Variants in TTC28 observed in about 807,000 individuals in gnomAD.
The protein encoded by TTC28 is tetratricopeptide repeat domain 28.
A neutral mutation model predicts 198.0 loss-of-function variants in TTC28; 61 were observed. The ratio of observed to expected loss-of-function variants is 0.31; its 90% CI spans 0.25 to 0.38. The LOEUF (loss-of-function observed/expected upper bound fraction) is 0.38. Ranked by LOEUF, TTC28 falls within the 10% of genes least tolerant of loss-of-function variation. TTC28 has a pLI of 1.00. For synonymous variants in TTC28, 1,171 were observed against 1,297.8 expected (o/e 0.90, Z 2.10); for missense variants, 2,678 against 3,164.0 (o/e 0.85, Z 3.69).
intron 5 of TTC28, among the ~76,000 whole-genome samples, chr22:28,198,499 TATGAG>T (rs1925590795): frequency 6.6e-6 from 1 of 152,184 alleles, no homozygotes; most frequent in African/African-American, 2.4e-5. Flanking sequence ...ACAACCATGT[TATGAG>T]ATATGAAACA....
chr22:28,531,840 A>C (rs1369134894), intron 2 of TTC28, among the ~76,000 whole-genome samples: 2 of 152,240 alleles, frequency 1.3e-5, no homozygotes, highest in African/African-American at 4.8e-5. Context: ...AGGCAGAAGT[A>C]AAGATGTTCT....
chr22:28,636,645 C>T (rs2146223858), intron 1 of TTC28, among the ~76,000 whole-genome samples: 1 of 152,268 alleles, frequency 6.6e-6, no homozygotes, highest in Non-Finnish European at 1.5e-5. Context: ...CAGCTTTTCA[C>T]ACCCCTCTTA....
At chr22:28,367,145 C>T (rs2046260561) in intron 2 of TTC28, among the ~76,000 whole-genome samples, 1 of 151,998 alleles carries the variant, frequency 6.6e-6, no homozygotes, top group African/African-American at 2.4e-5. Flanking sequence ...AAATTCTTCT[C>T]CTCAGCCCAT....
Position 28,317,853 on chromosome 22 carries a change from T to C in TTC28, c.382-11210A>G, listed in dbSNP as rs562187779. On this transcript the variant is annotated intron_variant, in intron 2 of 22. Transcript: ENST00000397906. ...TGTACCCTTAAGACCACAGCTCCTA[T>C]AGTCACAGAGAAGGGTCTCCTTCCT... 3.9e-5 allele frequency among the ~76,000 whole-genome samples: 6 copies of C among 152,266 alleles called. No individual in the cohort carries two copies. In the South Asian group the frequency reaches 8.3e-4, roughly 21 times the overall value.
rs144169213 is a variant in TTC28 at position 28,085,150 on chromosome 22, A to G, written c.3932+8930T>C. 7.2e-3 allele frequency among the ~76,000 whole-genome samples: 1,098 copies of G among 152,200 alleles called. 13 individuals carry two copies. Among genetic ancestry groups the G allele is most frequent in the African/African-American group, 0.025 (1,059 of 41,540 alleles). ...GGCAGGCCAACATTCAAATTCAGGA[A>G]ATACAGAGAATGCCAGAAAGATACT... On this transcript the variant is annotated intron_variant, in intron 12 of 22. Transcript: ENST00000397906.
At chr22:28,174,585 C>T (rs1303396463) in intron 5 of TTC28, among the ~76,000 whole-genome samples, 7 of 152,142 alleles carry the variant, frequency 4.6e-5, no homozygotes, top group Non-Finnish European at 1.0e-4. Context: ...CACTGGTGGG[C>T]ACCTGTAATC....
chr22:28,055,183 G>C (rs1940234975), intron 12 of TTC28, among the ~76,000 whole-genome samples: 1 of 152,288 alleles, frequency 6.6e-6, no homozygotes, highest in African/African-American at 2.4e-5. Context: ...AATATTTGCT[G>C]AGCCCCCATG....
At chr22:28,170,810 C>A (rs188742779) in intron 5 of TTC28, among the ~76,000 whole-genome samples, 2 of 152,162 alleles carry the variant, frequency 1.3e-5, no homozygotes, top group Non-Finnish European at 2.9e-5. Flanking sequence ...TGGGTTACAA[C>A]CTGTACTGTA....
At chr22:27,985,668 T>G (rs1937185277) in intron 21 of TTC28, 1 of 231,932 alleles carries the variant, frequency 4.3e-6, no homozygotes, top group South Asian at 8.2e-5. Flanking sequence ...CTCACATGTT[T>G]TCTTTTCCAT....
intron 12 of TTC28, among the ~76,000 whole-genome samples, chr22:28,084,521 C>G (rs1941488046): frequency 1.3e-5 from 2 of 152,158 alleles, no homozygotes; most frequent in South Asian, 2.1e-4. Context: ...ATGTCACCAT[C>G]ATCAAAGACC....
chr22:28,036,145 TA>T (rs1939334906), intron 12 of TTC28, among the ~76,000 whole-genome samples: 1 of 152,184 alleles, frequency 6.6e-6, no homozygotes, highest in Non-Finnish European at 1.5e-5. Flanking sequence ...GTGGACCTAA[TA>T]GACATCTACA....
intron 6 of TTC28, among the ~76,000 whole-genome samples, chr22:28,157,918 C>A (rs930738010): frequency 1.8e-4 from 28 of 152,026 alleles, no homozygotes; most frequent in African/African-American, 6.0e-4. Context: ...CTAGCTACAG[C>A]AGTCAGACAA....
intron 2 of TTC28, among the ~76,000 whole-genome samples, chr22:28,328,491 C>T (rs954292808): frequency 2.6e-5 from 4 of 151,866 alleles, no homozygotes; most frequent in African/African-American, 9.7e-5. Context: ...TGATGGCTCA[C>T]GTCTGTAATC....
intron 2 of TTC28, among the ~76,000 whole-genome samples, chr22:28,554,721 A>G (rs1342748047): frequency 6.6e-6 from 1 of 152,012 alleles, no homozygotes; most frequent in Non-Finnish European, 1.5e-5. Flanking sequence ...AAATACAAAA[A>G]TTAACCGGGT....
At chr22:28,222,113 T>C (rs1194888073) in intron 5 of TTC28, among the ~76,000 whole-genome samples, 1 of 152,248 alleles carries the variant, frequency 6.6e-6, no homozygotes, top group Non-Finnish European at 1.5e-5. Flanking sequence ...TCTGTGTATA[T>C]GCCTGGGTTC....
chr22:28,644,055 T>C (rs2051413325), intron 1 of TTC28, among the ~76,000 whole-genome samples: 1 of 152,204 alleles, frequency 6.6e-6, no homozygotes, highest in Admixed American at 6.5e-5. Flanking sequence ...CTGGAGTCCA[T>C]GCTCTTAACC....
chr22:28,468,690 A>ATTTTT lies in TTC28; in HGVS notation c.381+160857_381+160861dup, dbSNP rs35984422. 1.0e-3 allele frequency among the ~76,000 whole-genome samples: 123 copies of ATTTTT among 122,286 alleles called. 1 individual carries two copies. Among genetic ancestry groups the ATTTTT allele is most frequent in the Non-Finnish European group, 1.5e-3 (90 of 60,028 alleles). 80.2% of individuals were successfully genotyped at this position (122,286 alleles called of 152,430 possible). A position where few individuals can be genotyped will look rare whatever the true frequency, so the allele number is the denominator to read the frequency against. The stretch of plus-strand genomic sequence containing the variant: ...AGGTGCCCGCCAACTCGCCCGGCTA[A>ATTTTT]TTTTTTTTTTTTTTTTTTTTGTATT... On this transcript the variant is annotated intron_variant, in intron 2 of 22. Transcript: ENST00000397906.
chr22:28,522,495 A>G (rs1026771316), intron 2 of TTC28, among the ~76,000 whole-genome samples: 2 of 152,150 alleles, frequency 1.3e-5, no homozygotes, highest in Admixed American at 6.5e-5. Context: ...TCTCAAAAAA[A>G]AAAAAAAAAC....
intron 5 of TTC28, among the ~76,000 whole-genome samples, chr22:28,223,475 T>C (rs968186754): frequency 3.9e-5 from 6 of 152,252 alleles, no homozygotes; most frequent in African/African-American, 1.4e-4. Context: ...TCAGCTTCTA[T>C]AATCTATTTT....
Sources: gnomAD v4.1 joint callset for allele counts (sites outside exome capture counted in the v4.1 genomes callset) on GRCh38, gnomAD v4.1.1 for gene constraint, MANE v1.5 for transcripts, NCBI Gene and HGNC (gene_info 2026-07-23, HGNC 2026-07-21) for gene names.